Variants in PPIH observed in about 807,000 individuals in gnomAD.
The protein encoded by PPIH is peptidyl-prolyl cis-trans isomerase H.
A neutral mutation model predicts 27.6 loss-of-function variants in PPIH; 16 were observed. The observed-to-expected ratio is 0.58, with a 90% CI of 0.39 to 0.88. PPIH has a LOEUF of 0.88. Ranked by LOEUF, PPIH falls within the 40% of genes least tolerant of loss-of-function variation. PPIH has a pLI of 0.00. For missense variants in PPIH, 155 were observed against 224.1 expected (o/e 0.69, Z 1.97); for synonymous variants, 63 against 76.1 (o/e 0.83, Z 0.90).
chr1:42,662,946 A>G (rs1402831021), intron 5 of PPIH, among the ~76,000 whole-genome samples: 4 of 152,224 alleles, frequency 2.6e-5, no homozygotes, highest in Non-Finnish European at 4.4e-5. Context: ...ATGCTTTCTA[A>G]TAGCCACCTA....
chr1:42,673,569 C>A (rs1649747751), intron 9 of PPIH, among the ~76,000 whole-genome samples: 1 of 152,170 alleles, frequency 6.6e-6, no homozygotes, highest in African/African-American at 2.4e-5. Flanking sequence ...TTTTGGGGCA[C>A]TCGTTAAACC....
intron 9 of PPIH, among the ~76,000 whole-genome samples, chr1:42,675,816 A>G (rs1649852392): frequency 6.6e-6 from 1 of 152,200 alleles, no homozygotes; most frequent in South Asian, 2.1e-4. Context: ...CCTGCAAGGA[A>G]GAAGGATTGC....
chr1:42,665,554 T>A (rs1649285396), intron 6 of PPIH, among the ~76,000 whole-genome samples: 1 of 151,620 alleles, frequency 6.6e-6, no homozygotes, highest in Middle Eastern at 3.5e-3. Context: ...CAAGACATAT[T>A]CATAGCTGGG....
chr1:42,676,535 G>T (rs1336198194), intron 9 of PPIH, 49 bp from the exon 10 acceptor site: 2 of 151,482 alleles, frequency 1.3e-5, no homozygotes, highest in African/African-American at 4.9e-5. Context: ...TTCCTCTGAG[G>T]TGCTTACCTC....
At chr1:42,660,554 C>G (rs935209713) in intron 4 of PPIH, among the ~76,000 whole-genome samples, 1 of 152,206 alleles carries the variant, frequency 6.6e-6, no homozygotes, top group African/African-American at 2.4e-5. Context: ...CTCAGCCTCC[C>G]GAGTAGCCAG....
At chr1:42,661,313 C>T (rs1431943170) in intron 5 of PPIH, among the ~76,000 whole-genome samples, 1 of 152,046 alleles carries the variant, frequency 6.6e-6, no homozygotes. Context: ...TTCATTTTCT[C>T]TTTTACTTCT....
rs1463801080 is a variant in PPIH at position 42,669,645 on chromosome 1, G to GA, written c.*21+2212dup. On this transcript the variant is annotated intron_variant, in intron 9 of 9. Transcript: ENST00000304979. Reference sequence around the variant, plus strand: ...TTGTTTTCTTCAGAATATATTTTAAGAAAAAAATTAGTATTGTGTTGCTTA... The same window carrying GA: ...TTGTTTTCTTCAGAATATATTTTAAGAAAAAAAATTAGTATTGTGTTGCTTA... Among the ~76,000 whole-genome samples the GA allele has an allele frequency of 7.9e-5, 12 of 152,164 alleles. No individual in the cohort carries two copies. In the South Asian group the frequency reaches 2.3e-3, roughly 29 times the overall value.
chr1:42,674,656 A>G (rs1359074396), intron 9 of PPIH, among the ~76,000 whole-genome samples: 1 of 152,236 alleles, frequency 6.6e-6, no homozygotes, highest in Non-Finnish European at 1.5e-5. Context: ...TTTCATGTTC[A>G]GAAGATGATT....
chr1:42,659,199 T>C (rs755722907), intron 2 of PPIH, 29 bp from the exon 3 acceptor site: 26 of 1,613,980 alleles, frequency 1.6e-5, no homozygotes, highest in Admixed American at 1.3e-4. Context: ...ATCATAGTGA[T>C]TGAATCATTC....
At chr1:42,672,125 C>T (rs1195833615) in intron 9 of PPIH, among the ~76,000 whole-genome samples, 3 of 152,086 alleles carry the variant, frequency 2.0e-5, no homozygotes, top group Non-Finnish European at 4.4e-5. Flanking sequence ...CCTCATGATC[C>T]ATCCGCCTCG....
At chr1:42,668,605 A>G (rs1649469619) in intron 9 of PPIH, among the ~76,000 whole-genome samples, 1 of 152,322 alleles carries the variant, frequency 6.6e-6, no homozygotes, top group African/African-American at 2.4e-5. Flanking sequence ...AGGTGATCCA[A>G]TCAAGGTTCC....
chr1:42,661,828 G>A (rs1322980805), intron 5 of PPIH, among the ~76,000 whole-genome samples: 1 of 151,870 alleles, frequency 6.6e-6, no homozygotes, highest in Non-Finnish European at 1.5e-5. Flanking sequence ...GTATAACTGT[G>A]AAATGGCACA....
At chr1:42,660,691 A>G (rs1466406782) in intron 4 of PPIH, among the ~76,000 whole-genome samples, 171 bp from the exon 5 acceptor site, 2 of 152,222 alleles carry the variant, frequency 1.3e-5, no homozygotes, top group East Asian at 3.8e-4. Flanking sequence ...CGGCCTCCCA[A>G]ACTGCTGGGA....
intron 2 of PPIH, 117 bp downstream of exon 2, chr1:42,659,025 C>G: frequency 7.4e-7 from 1 of 1,344,080 alleles, no homozygotes. Context: ...AGACCTGATT[C>G]CTCCATGCAT....
intron 1 of PPIH, 27 bp from the exon 2 acceptor site, chr1:42,658,817 C>A (rs945007530): frequency 3.7e-6 from 6 of 1,613,652 alleles, no homozygotes; most frequent in Non-Finnish European, 5.1e-6. Flanking sequence ...TGGACTGGGC[C>A]TTCTGACACT....
intron 5 of PPIH, among the ~76,000 whole-genome samples, chr1:42,662,264 A>G (rs962829111): frequency 2.0e-5 from 3 of 152,194 alleles, no homozygotes; most frequent in Non-Finnish European, 4.4e-5. Context: ...GTTAAAAGCA[A>G]TTGCTGGTAG....
chr1:42,667,893 G>A (rs1649429875), intron 9 of PPIH, among the ~76,000 whole-genome samples: 1 of 152,164 alleles, frequency 6.6e-6, no homozygotes, highest in Admixed American at 6.5e-5. Flanking sequence ...TCCAGGCCTC[G>A]ACTTCATATT....
At chr1:42,678,101 A>C (rs1331314968), downstream of PPIH, among the ~76,000 whole-genome samples, 3 of 152,218 alleles carry the variant, frequency 2.0e-5, no homozygotes, top group Admixed American at 6.5e-5. Flanking sequence ...CATACTTCAG[A>C]GGACATTGTA....
At chr1:42,677,126 A>G (rs1649915055), downstream of PPIH, among the ~76,000 whole-genome samples, 1 of 152,146 alleles carries the variant, frequency 6.6e-6, no homozygotes, top group Admixed American at 6.5e-5. Flanking sequence ...AGAGTCAAAT[A>G]AGAGAGTGGA....
Sources: gnomAD v4.1 joint callset for allele counts (sites outside exome capture counted in the v4.1 genomes callset) on GRCh38, gnomAD v4.1.1 for gene constraint, MANE v1.5 for transcripts, NCBI Gene and HGNC (gene_info 2026-07-23, HGNC 2026-07-21) for gene names.